DACH1: variants seen among roughly 807,000 people sequenced by gnomAD.
DACH1 encodes dachshund homolog 1.
Under a neutral mutation model 54.2 loss-of-function variants are expected in DACH1, and 12 were observed. The ratio of observed to expected loss-of-function variants is 0.22; its 90% CI spans 0.14 to 0.36. DACH1 has a LOEUF of 0.36. Among genes scored for constraint, DACH1 ranks in the 10% least tolerant of loss-of-function variants. DACH1 has a pLI of 1.00. For synonymous variants in DACH1, 386 were observed against 366.2 expected (o/e 1.05, Z -0.62); for missense variants, 805 against 929.8 (o/e 0.87, Z 1.75).
At position 71,817,824 on chromosome 13, in the gene DACH1, T is replaced by TC. The variant is rs1888022803; in HGVS notation, c.848+48097_848+48098insG. Among the ~76,000 whole-genome samples the TC allele has an allele frequency of 1.4e-5, 2 of 146,818 alleles. 1 individual carries two copies. Among genetic ancestry groups the TC allele is most frequent in the Admixed American group, 1.4e-4 (2 of 14,798 alleles). On this transcript the variant is annotated intron_variant, in intron 1 of 10. Coordinates refer to ENST00000613252, the MANE Select transcript of DACH1 (RefSeq NM_080759.6). ...TTTCTTTCTTTCTTCCTTTTTTTTT[T>TC]TTTTTTTTGAGACAGGGTCTCGCTC...
At chr13:71,541,167 T>G (rs1184575708) in intron 6 of DACH1, among the ~76,000 whole-genome samples, 1 of 152,016 alleles carries the variant, frequency 6.6e-6, no homozygotes, top group Admixed American at 6.6e-5. Context: ...TAATTTTATT[T>G]TTTAAAAAAC....
At chr13:71,781,630 G>A (rs868138402) in intron 1 of DACH1, among the ~76,000 whole-genome samples, 1 of 151,902 alleles carries the variant, frequency 6.6e-6, no homozygotes, top group Non-Finnish European at 1.5e-5. Flanking sequence ...CGCCCGCCTC[G>A]GCCTCCCAAA....
intron 1 of DACH1, among the ~76,000 whole-genome samples, chr13:71,839,303 A>G (rs1174461902): frequency 6.6e-6 from 1 of 152,176 alleles, no homozygotes; most frequent in Non-Finnish European, 1.5e-5. Flanking sequence ...TCCATCTAAA[A>G]ACCTCATTCA....
intron 7 of DACH1, among the ~76,000 whole-genome samples, chr13:71,482,861 C>T (rs559432537): frequency 2.2e-5 from 3 of 138,576 alleles, no homozygotes; most frequent in Admixed American, 1.6e-4. Flanking sequence ...GTGCAAATGG[C>T]GCGATCTCGG....
At chr13:71,442,394 G>A (rs780785788) in intron 10 of DACH1, among the ~76,000 whole-genome samples, 1 of 152,070 alleles carries the variant, frequency 6.6e-6, no homozygotes, top group Non-Finnish European at 1.5e-5. Flanking sequence ...TGGCTGAATA[G>A]TATTCTATTG....
intron 7 of DACH1, among the ~76,000 whole-genome samples, chr13:71,484,682 T>C (rs1878329716): frequency 6.6e-6 from 1 of 152,192 alleles, no homozygotes; most frequent in Non-Finnish European, 1.5e-5. Context: ...ATTTTAATGT[T>C]TGTAAGCCAC....
chr13:71,782,375 G>A (rs1331281070), intron 1 of DACH1, among the ~76,000 whole-genome samples: 1 of 152,152 alleles, frequency 6.6e-6, no homozygotes, highest in Admixed American at 6.5e-5. Flanking sequence ...CTGGGAGGCA[G>A]AGGTTGAAGT....
At chr13:71,614,024 G>C (rs1003114166) in intron 3 of DACH1, among the ~76,000 whole-genome samples, 4 of 152,170 alleles carry the variant, frequency 2.6e-5, no homozygotes, top group African/African-American at 9.7e-5. Flanking sequence ...TTTTCTTAAA[G>C]ATTGCTATGT....
chr13:71,812,917 A>G (rs1160204624), intron 1 of DACH1, among the ~76,000 whole-genome samples: 4 of 152,188 alleles, frequency 2.6e-5, no homozygotes, highest in African/African-American at 9.7e-5. Flanking sequence ...GGCAGCCTCA[A>G]ATTGCTTGGG....
intron 2 of DACH1, among the ~76,000 whole-genome samples, chr13:71,642,143 C>T (rs921196721): frequency 1.3e-5 from 2 of 152,282 alleles, no homozygotes; most frequent in East Asian, 1.9e-4. Flanking sequence ...GACGCAATGT[C>T]TGTAGTTATA....
chr13:71,599,088 A>T (rs1358553871), intron 3 of DACH1, among the ~76,000 whole-genome samples: 2 of 152,188 alleles, frequency 1.3e-5, no homozygotes, highest in Non-Finnish European at 2.9e-5. Context: ...TAAAAACTAA[A>T]GATAAAATAA....
intron 10 of DACH1, among the ~76,000 whole-genome samples, chr13:71,456,063 GTCTCTA>G (rs1350817681): frequency 1.3e-5 from 2 of 152,016 alleles, no homozygotes; most frequent in African/African-American, 2.4e-5. Context: ...TTTACAAATT[GTCTCTA>G]TCTCTAGAAA....
At chr13:71,832,965 C>T (rs1236682149) in intron 1 of DACH1, among the ~76,000 whole-genome samples, 1 of 151,924 alleles carries the variant, frequency 6.6e-6, no homozygotes, top group Non-Finnish European at 1.5e-5. Flanking sequence ...CTGAATTCCA[C>T]TCCCTACTTT....
intron 3 of DACH1, among the ~76,000 whole-genome samples, chr13:71,600,976 A>T (rs1874451049): frequency 6.6e-6 from 1 of 151,854 alleles, no homozygotes; most frequent in Admixed American, 6.6e-5. Flanking sequence ...GATTCTAAGA[A>T]CTAGTTCAAT....
intron 3 of DACH1, among the ~76,000 whole-genome samples, chr13:71,599,814 CACAA>C (rs916892669): frequency 1.6e-5 from 2 of 122,532 alleles, no homozygotes; most frequent in Non-Finnish European, 3.3e-5. Flanking sequence ...TCTTCATACA[CACAA>C]ACACATTTCT....
rs912320221 is a variant in DACH1, at chr13:71,779,250, T to A, written c.848+86672A>T. Among the ~76,000 whole-genome samples the A allele has an allele frequency of 3.4e-4, 24 of 69,842 alleles. 1 individual carries two copies. The highest frequency in any genetic ancestry group is 6.9e-4 in the East Asian group (3 of 4,344). 45.8% of individuals were successfully genotyped at this position (69,842 alleles called of 152,430 possible). A position where few individuals can be genotyped will look rare whatever the true frequency, so the allele number is the denominator to read the frequency against. On this transcript the variant is annotated intron_variant, in intron 1 of 10. Coordinates refer to ENST00000613252, the MANE Select transcript of DACH1 (RefSeq NM_080759.6). Reference sequence around the variant, plus strand: ...ACGTATATATACACATATATACGTATATACGTATATATGTGTATATATACG... The same window carrying A: ...ACGTATATATACACATATATACGTAAATACGTATATATGTGTATATATACG...
intron 1 of DACH1, among the ~76,000 whole-genome samples, chr13:71,848,571 C>A (rs1421263515): frequency 6.6e-6 from 1 of 151,662 alleles, no homozygotes; most frequent in East Asian, 1.9e-4. Context: ...GAAACACAGT[C>A]TCACTCTGTC....
intron 8 of DACH1, among the ~76,000 whole-genome samples, chr13:71,477,354 C>T (rs1877658854): frequency 1.3e-5 from 2 of 151,490 alleles, no homozygotes; most frequent in African/African-American, 4.8e-5. Context: ...ATCTCCTGAC[C>T]TCATGATCCA....
chr13:71,839,224 A>C (rs1888921040), intron 1 of DACH1, among the ~76,000 whole-genome samples: 1 of 152,212 alleles, frequency 6.6e-6, no homozygotes, highest in South Asian at 2.1e-4. Context: ...GAAGACAGAG[A>C]GAAAAAATCA....
Sources: allele counts gnomAD v4.1 joint callset (sites outside exome capture counted in the v4.1 genomes callset), GRCh38; gene constraint gnomAD v4.1.1; transcripts MANE v1.5; gene names NCBI Gene and HGNC (gene_info 2026-07-23, HGNC 2026-07-21).